KCNMA1: variants seen among roughly 807,000 people sequenced by gnomAD.
The protein encoded by KCNMA1 is potassium calcium-activated channel subfamily M alpha 1, also known as Calcium-activated potassium channel subunit alpha-1.
KCNMA1 carries 29 observed loss-of-function variants against 140.0 expected under a neutral mutation model. The observed-to-expected ratio is 0.21, with a 90% CI of 0.15 to 0.28. The LOEUF (loss-of-function observed/expected upper bound fraction) is 0.28, where lower values mean the gene tolerates loss of function less well. Ranked by LOEUF, KCNMA1 falls within the 10% of genes least tolerant of loss-of-function variation. The pLI is 1.00. For missense variants in KCNMA1, 880 were observed against 1,602.2 expected (o/e 0.55, Z 7.70); for synonymous variants, 612 against 611.9 (o/e 1.00, Z 0.00).
chr10:77,217,801 G>C (rs2048295281), intron 3 of KCNMA1, among the ~76,000 whole-genome samples: 1 of 152,090 alleles, frequency 6.6e-6, no homozygotes, highest in Non-Finnish European at 1.5e-5. Context: ...GCTGAGAATA[G>C]TTGATTCTCA....
chr10:77,181,988 G>T (rs2098806605), intron 5 of KCNMA1, among the ~76,000 whole-genome samples: 1 of 152,042 alleles, frequency 6.6e-6, no homozygotes, highest in South Asian at 2.1e-4. Context: ...ATATTAAGAA[G>T]ATGCTTATTT....
chr10:77,210,464 A>G (rs532478467), intron 3 of KCNMA1, among the ~76,000 whole-genome samples: 19 of 152,300 alleles, frequency 1.2e-4, no homozygotes, highest in South Asian at 1.0e-3. Context: ...CATTATACTG[A>G]ATGGGCAAAG....
At chr10:77,540,755 C>G (rs549618021) in intron 1 of KCNMA1, among the ~76,000 whole-genome samples, 1 of 152,156 alleles carries the variant, frequency 6.6e-6, no homozygotes, top group Non-Finnish European at 1.5e-5. Context: ...AATCCCAGCA[C>G]TTCGGGAGGC....
intron 1 of KCNMA1, among the ~76,000 whole-genome samples, chr10:77,492,332 C>A (rs1176618629): frequency 6.6e-6 from 1 of 152,172 alleles, no homozygotes; most frequent in African/African-American, 2.4e-5. Flanking sequence ...CCCTGCTGAT[C>A]TGCATGCTCT....
chr10:76,946,742 T>A (rs749689888), intron 22 of KCNMA1, among the ~76,000 whole-genome samples: 1 of 152,230 alleles, frequency 6.6e-6, no homozygotes, highest in Non-Finnish European at 1.5e-5. Context: ...TTCTTTTAAT[T>A]TTCATCTTGT....
At chr10:77,569,988 G>T (rs1023808759) in intron 1 of KCNMA1, among the ~76,000 whole-genome samples, 2 of 152,108 alleles carry the variant, frequency 1.3e-5, no homozygotes, top group East Asian at 1.9e-4. Context: ...ACGAAAAAAT[G>T]CTCACCATCA....
At chr10:77,381,719 C>A (rs1377916839) in intron 2 of KCNMA1, among the ~76,000 whole-genome samples, 1 of 152,132 alleles carries the variant, frequency 6.6e-6, no homozygotes, top group Non-Finnish European at 1.5e-5. Context: ...GTGAGAGCAA[C>A]CACAAATTCC....
intron 16 of KCNMA1, among the ~76,000 whole-genome samples, chr10:77,024,285 A>G (rs970031065): frequency 2.0e-5 from 3 of 152,142 alleles, no homozygotes; most frequent in African/African-American, 7.2e-5. Context: ...GTTGGATCAT[A>G]TCAATAATAC....
At chr10:77,464,845 A>G (rs1327583506) in intron 1 of KCNMA1, among the ~76,000 whole-genome samples, 3 of 152,218 alleles carry the variant, frequency 2.0e-5, no homozygotes, top group East Asian at 3.8e-4. Flanking sequence ...CTGGGAGGAT[A>G]TGATATCACA....
chr10:77,539,483 C>T (rs1231430360), intron 1 of KCNMA1, among the ~76,000 whole-genome samples: 1 of 152,128 alleles, frequency 6.6e-6, no homozygotes, highest in East Asian at 1.9e-4. Context: ...GCTTGGGGAC[C>T]GAAACTCTAT....
chr10:77,426,318 C>A (rs2096988816), intron 1 of KCNMA1, among the ~76,000 whole-genome samples: 1 of 152,106 alleles, frequency 6.6e-6, no homozygotes, highest in African/African-American at 2.4e-5. Context: ...TTGTATATAA[C>A]AGACATGTAT....
Position 77,200,663 on chromosome 10 carries a change from G to A in KCNMA1, c.603-15747C>T, listed in dbSNP as rs544605621. Among the ~76,000 whole-genome samples, 6 of 150,876 alleles carry A rather than the reference G, an allele frequency of 4.0e-5. No individual in the cohort carries two copies. The East Asian group carries it at 1.2e-3, about 29-fold the overall frequency. On this transcript the variant is annotated intron_variant, in intron 3 of 27. Transcript: ENST00000286628. ...TCTGGAAAAAAAAAAACCCACCCTA[G>A]TAAGAAGCTGTTCTTTCTGCTATTT...
At chr10:77,592,379 G>A (rs1314456178) in intron 1 of KCNMA1, among the ~76,000 whole-genome samples, 1 of 152,226 alleles carries the variant, frequency 6.6e-6, no homozygotes, top group African/African-American at 2.4e-5. Context: ...AGTGGGAAAA[G>A]TGATGATATT....
chr10:77,451,728 A>G (rs1310715189), intron 1 of KCNMA1, among the ~76,000 whole-genome samples: 1 of 152,140 alleles, frequency 6.6e-6, no homozygotes, highest in East Asian at 1.9e-4. Flanking sequence ...CACCTGTTTT[A>G]TGGGCAAGTC....
At chr10:77,052,616 T>C (rs1198307693) in intron 14 of KCNMA1, among the ~76,000 whole-genome samples, 6 of 62,568 alleles carry the variant, frequency 9.6e-5, no homozygotes, top group Non-Finnish European at 6.7e-5. Context: ...ACAGGATGAG[T>C]GTGCAAAAAA....
intron 5 of KCNMA1, among the ~76,000 whole-genome samples, chr10:77,147,178 T>C (rs1027039541): frequency 6.6e-6 from 1 of 152,214 alleles, no homozygotes; most frequent in Non-Finnish European, 1.5e-5. Flanking sequence ...CAAGGCTGAA[T>C]CTATAACCAG....
intron 1 of KCNMA1, among the ~76,000 whole-genome samples, chr10:77,615,019 G>A (rs1471823007): frequency 6.6e-6 from 1 of 152,184 alleles, no homozygotes; most frequent in Non-Finnish European, 1.5e-5. Flanking sequence ...AGATGTTTTG[G>A]GTGCCTCAGA....
chr10:77,590,387 G>A (rs1206269409), intron 1 of KCNMA1, among the ~76,000 whole-genome samples: 1 of 152,244 alleles, frequency 6.6e-6, no homozygotes, highest in Non-Finnish European at 1.5e-5. Flanking sequence ...GGGGCAGGGA[G>A]GCTCAGGCAT....
intron 1 of KCNMA1, among the ~76,000 whole-genome samples, chr10:77,512,131 C>A (rs1469828298): frequency 6.6e-6 from 1 of 152,198 alleles, no homozygotes; most frequent in Non-Finnish European, 1.5e-5. Context: ...CCCTGGGCCA[C>A]AAAGAAAGGC....
Sources: gnomAD v4.1 joint callset for allele counts (sites outside exome capture counted in the v4.1 genomes callset) on GRCh38, gnomAD v4.1.1 for gene constraint, MANE v1.5 for transcripts, NCBI Gene and HGNC (gene_info 2026-07-23, HGNC 2026-07-21) for gene names.